Variants in SETBP1 observed in about 807,000 individuals in gnomAD.
SETBP1 encodes the protein SET binding protein 1.
In SETBP1, 9 loss-of-function variants were observed where a neutral mutation model predicts 101.0. That is an observed-to-expected ratio of 0.09 (90% CI 0.05 to 0.16). SETBP1 has a LOEUF of 0.16. Ranked by LOEUF, SETBP1 falls within the 10% of genes least tolerant of loss-of-function variation. SETBP1 has a pLI of 1.00. For missense variants in SETBP1, 1,858 were observed against 2,033.8 expected (o/e 0.91, Z 1.66); for synonymous variants, 818 against 788.5 (o/e 1.04, Z -0.63).
chr18:44,890,645 AGAAGGT>A (rs369927412), intron 3 of SETBP1, among the ~76,000 whole-genome samples: 18 of 152,286 alleles, frequency 1.2e-4, no homozygotes, highest in African/African-American at 4.3e-4. Flanking sequence ...AAGGAAAATA[AGAAGGT>A]GACCTGTGGA....
At chr18:44,748,589 A>C (rs2070314271) in intron 2 of SETBP1, among the ~76,000 whole-genome samples, 1 of 152,178 alleles carries the variant, frequency 6.6e-6, no homozygotes, top group South Asian at 2.1e-4. Flanking sequence ...AACTCAATCC[A>C]AGACTGCTTG....
intron 4 of SETBP1, among the ~76,000 whole-genome samples, chr18:44,984,523 T>C (rs184541273): frequency 4.1e-4 from 62 of 152,260 alleles, no homozygotes; most frequent in Non-Finnish European, 7.2e-4. Context: ...ACTCTTGCTG[T>C]CCAGCCCAGG....
chr18:45,013,644 T>C (rs1453556010), intron 4 of SETBP1, among the ~76,000 whole-genome samples: 1 of 152,160 alleles, frequency 6.6e-6, no homozygotes, highest in Non-Finnish European at 1.5e-5. Context: ...TTCACCATAT[T>C]GGCCAGACTG....
chr18:45,012,714 A>G (rs2072864643), intron 4 of SETBP1, among the ~76,000 whole-genome samples: 1 of 152,216 alleles, frequency 6.6e-6, no homozygotes, highest in African/African-American at 2.4e-5. Context: ...TTTGCAGCAA[A>G]ATGGATGGAA....
intron 3 of SETBP1, among the ~76,000 whole-genome samples, chr18:44,913,183 C>A (rs1291399021): frequency 6.6e-6 from 1 of 152,210 alleles, no homozygotes; most frequent in Non-Finnish European, 1.5e-5. Context: ...TGGGCTTCTA[C>A]ATCAATGAAG....
intron 2 of SETBP1, among the ~76,000 whole-genome samples, chr18:44,806,699 TG>T (rs1343028608): frequency 7.0e-6 from 1 of 142,312 alleles, no homozygotes; most frequent in African/African-American, 2.6e-5. Context: ...GATAGGGTCT[TG>T]TTACATTGCC....
In SETBP1 at chr18:44,952,768, C is replaced by T; in HGVS notation, c.3428C>T (p.Ser1143Phe). Reference protein sequence around the residue: ...NPPKVGSASLSSGRLHKRKHK... With the variant: ...NPPKVGSASLFSGRLHKRKHK... The stretch of plus-strand genomic sequence containing the variant: ...CCCAAGGTAGGCAGTGCCAGTCTGT[C>T]CAGTGGTCGGCTCCATAAGAGGAAA... The change falls in exon 4 of 6, where the codon TCC (serine) becomes TTC (phenylalanine). Residue 1143 changes from serine to phenylalanine, a missense_variant. Physicochemically the swap from Ser to Phe is radical, Grantham distance 155. Around this residue, in one of 12 missense-constraint regions of SETBP1, gnomAD observed 417 missense variants for 389.1 expected, o/e 1.07. Coordinates refer to ENST00000649279, the MANE Select transcript of SETBP1 (RefSeq NM_015559.3). The T allele has an allele frequency of 6.2e-7, 1 of 1,614,130 alleles. No individual in the cohort carries two copies.
In SETBP1 at chr18:44,701,479, G is replaced by A. The variant is rs1258751538; in HGVS notation, c.133G>A (p.Gly45Arg). The change falls in exon 2 of 6, where the codon GGG becomes AGG. Residue 45 changes from glycine (G) to arginine (R), a missense_variant. Gly to Arg is a moderately radical substitution (Grantham distance 125). This residue lies in a region of SETBP1 where 97 missense variants were observed against 101.2 expected (regional missense o/e 0.96). Coordinates refer to ENST00000649279, the MANE Select transcript of SETBP1 (RefSeq NM_015559.3). ...GEPLLSTPGP[G>R]KGIPVGGERM... ...ACCTTTGCTCTCCACTCCAGGACCTGGGAAGGGGATCCCGGTGGGCGGAGA... is the reference window on the plus strand; with the variant it reads ...ACCTTTGCTCTCCACTCCAGGACCTAGGAAGGGGATCCCGGTGGGCGGAGA... 5.0e-6 allele frequency: 8 copies of A among 1,613,872 alleles called. No homozygotes were observed. The highest frequency in any genetic ancestry group is 5.1e-6 in the Non-Finnish European group (6 of 1,179,802).
chr18:44,755,697 C>T (rs1267384172), intron 2 of SETBP1, among the ~76,000 whole-genome samples: 3 of 152,012 alleles, frequency 2.0e-5, no homozygotes, highest in Admixed American at 6.6e-5. Context: ...GCTTGTGGCT[C>T]CTCTGGTTTT....
chr18:44,800,725 G>C (rs1369705898), intron 2 of SETBP1, among the ~76,000 whole-genome samples: 1 of 152,146 alleles, frequency 6.6e-6, no homozygotes, highest in Non-Finnish European at 1.5e-5. Context: ...AGAAACAGTG[G>C]GAAATGAGAC....
chr18:44,974,761 C>G (rs141117297), intron 4 of SETBP1, among the ~76,000 whole-genome samples: 4 of 152,082 alleles, frequency 2.6e-5, no homozygotes. Context: ...AAGAGCAAGA[C>G]GAGTCAAAAG....
At chr18:44,835,419 C>T (rs918894807) in intron 2 of SETBP1, among the ~76,000 whole-genome samples, 2 of 152,146 alleles carry the variant, frequency 1.3e-5, no homozygotes, top group Admixed American at 1.3e-4. Flanking sequence ...CCTGCCTGTG[C>T]TCATGCTGAA....
At chr18:44,911,649 C>T (rs1451229598) in intron 3 of SETBP1, among the ~76,000 whole-genome samples, 2 of 152,210 alleles carry the variant, frequency 1.3e-5, no homozygotes, top group Non-Finnish European at 2.9e-5. Context: ...GCTTTGTCTG[C>T]TTAAATTGTA....
At chr18:44,816,919 A>G (rs1209306821) in intron 2 of SETBP1, among the ~76,000 whole-genome samples, 1 of 152,190 alleles carries the variant, frequency 6.6e-6, no homozygotes, top group Non-Finnish European at 1.5e-5. Context: ...TGCATTAAAC[A>G]TGTATCCAGC....
chr18:44,812,442 A>T (rs1368850931), intron 2 of SETBP1, among the ~76,000 whole-genome samples: 2 of 152,184 alleles, frequency 1.3e-5, no homozygotes, highest in Non-Finnish European at 2.9e-5. Flanking sequence ...AAATAGCCTT[A>T]AGAGAGCAAG....
At position 45,042,053 on chromosome 18, in the gene SETBP1, G is replaced by A. The variant is rs1785859479; in HGVS notation, c.4171+3398G>A. ...CATGCTCAGTAAATAATCACTGAGT[G>A]AAACAAATGTTTGAGAGGCAGTAGC... On this transcript the variant is annotated intron_variant, in intron 5 of 5. Coordinates refer to ENST00000649279, the MANE Select transcript of SETBP1 (RefSeq NM_015559.3). Among the ~76,000 whole-genome samples, 3 of 151,894 alleles carry A rather than the reference G, an allele frequency of 2.0e-5. No individual in the cohort carries two copies. In the South Asian group the frequency reaches 6.2e-4, roughly 32 times the overall value.
chr18:44,920,866 C>G lies in SETBP1; in HGVS notation c.541-29015C>G, dbSNP rs537527713. Among the ~76,000 whole-genome samples, 52 of 152,314 alleles carry G rather than the reference C, an allele frequency of 3.4e-4. 1 individual carries two copies. The South Asian group carries it at 0.01, about 30-fold the overall frequency. On this transcript the variant is annotated intron_variant, in intron 3 of 5. Coordinates refer to ENST00000649279, the MANE Select transcript of SETBP1 (RefSeq NM_015559.3). ...TGGCATCGGCATAGTCACCTTACCT[C>G]TTTGCAAATGACTTGCTTGCCCTGC... is the stretch of plus-strand genomic sequence containing the variant.
chr18:44,813,101 A>G (rs1200417613), intron 2 of SETBP1, among the ~76,000 whole-genome samples: 2 of 152,130 alleles, frequency 1.3e-5, no homozygotes, highest in Non-Finnish European at 2.9e-5. Flanking sequence ...AAAGAAACCA[A>G]TGCGGTTTCT....
intron 4 of SETBP1, among the ~76,000 whole-genome samples, chr18:45,019,631 T>A (rs1158771931): frequency 1.3e-5 from 2 of 152,204 alleles, no homozygotes; most frequent in Admixed American, 6.5e-5. Context: ...TCTGAGTACA[T>A]GGATGTTTTC....
Sources: allele counts gnomAD v4.1 joint callset (sites outside exome capture counted in the v4.1 genomes callset), GRCh38; gene constraint gnomAD v4.1.1; regional missense constraint gnomAD v4.1.1; transcripts MANE v1.5; gene names NCBI Gene and HGNC (gene_info 2026-07-23, HGNC 2026-07-21).